Variants in RAD51C observed in about 807,000 individuals in gnomAD.
RAD51C encodes RAD51 paralog C, also known as DNA repair protein RAD51 homolog 3.
In RAD51C, 42 loss-of-function variants were observed where a neutral mutation model predicts 45.0. That is an observed-to-expected ratio of 0.93 (90% CI 0.73 to 1.21). The LOEUF is 1.21. RAD51C is among the 50% of genes most tolerant of loss of function. RAD51C has a pLI of 0.00. For missense variants in RAD51C, 474 were observed against 452.2 expected (o/e 1.05, Z -0.44); for synonymous variants, 172 against 159.8 (o/e 1.08, Z -0.58).
rs777210433 is a variant in RAD51C at position 58,692,822 on chromosome 17, G to A, written c.145+34G>A. On this transcript the variant is annotated intron_variant, in intron 1 of 8. Transcript: ENST00000337432. ...TCCTGATGGCAAGCTGAGGCACACC[G>A]GCCGCCGTCAGCGCCGCCTCAGTCT... 22 of 1,613,748 alleles carry A rather than the reference G, an allele frequency of 1.4e-5. No individual in the cohort carries two copies. In the East Asian group the frequency reaches 4.9e-4, roughly 36 times the overall value.
chr17:58,721,474 T>C (rs576447311), intron 6 of RAD51C, among the ~76,000 whole-genome samples: 11 of 152,126 alleles, frequency 7.2e-5, no homozygotes, highest in African/African-American at 2.6e-4. Flanking sequence ...TCTACCAGAG[T>C]CTTGGCCAGG....
intron 3 of RAD51C, among the ~76,000 whole-genome samples, chr17:58,702,327 C>T (rs2048237821): frequency 6.6e-6 from 1 of 152,080 alleles, no homozygotes. Flanking sequence ...CATTAAAACA[C>T]TAGTTGTATA....
At chr17:58,726,542 A>ATAAG (rs947311505) in intron 7 of RAD51C, among the ~76,000 whole-genome samples, 1 of 117,260 alleles carries the variant, frequency 8.5e-6, no homozygotes, top group Non-Finnish European at 2.1e-5. Flanking sequence ...ATATATGTGT[A>ATAAG]TAAGTATAGA....
chr17:58,711,621 C>T (rs903022626), intron 5 of RAD51C, among the ~76,000 whole-genome samples: 6 of 151,350 alleles, frequency 4.0e-5, no homozygotes, highest in South Asian at 2.1e-4. Flanking sequence ...CCACCATGCC[C>T]GGCTAATTTT....
In RAD51C at chr17:58,692,647, C is replaced by T. The variant is rs758029117; in HGVS notation, c.4C>T (p.Arg2Cys). Residue 2 changes from arginine (R) to cysteine (C), a missense_variant, in exon 1 of 9, where the codon CGC (arginine) becomes TGC (cysteine). Arg to Cys is a radical substitution (Grantham distance 180). Coordinates refer to ENST00000337432, the MANE Select transcript of RAD51C (RefSeq NM_058216.3). ...GGGGTTAGCAGGTGAGCCTGCGATG[C>T]GCGGGAAGACGTTCCGCTTTGAAAT... M[R>C]GKTFRFEMQR... is the part of the protein sequence containing the mutation. 6.2e-7 allele frequency: 1 copy of T among 1,614,116 alleles called. No homozygotes were observed. The highest frequency in any genetic ancestry group is 8.5e-7 in the Non-Finnish European group (1 of 1,180,020).
intron 7 of RAD51C, 27 bp downstream of exon 7, chr17:58,724,127 C>A (rs1397645870): frequency 1.3e-6 from 2 of 1,579,252 alleles, no homozygotes; most frequent in Non-Finnish European, 1.7e-6. Flanking sequence ...GTTAATAACT[C>A]CGAATATTGG....
At chr17:58,696,998 C>T in intron 3 of RAD51C, 139 bp downstream of exon 3, 3 of 1,049,998 alleles carry the variant, frequency 2.9e-6, no homozygotes, top group Non-Finnish European at 4.2e-6. Context: ...AACTCTTTTA[C>T]TACTGTTACA....
In RAD51C at chr17:58,726,871, A is replaced by G. The variant is rs570205939; in HGVS notation, c.965+2771A>G. ...AGTCTCGCTCTGTCGCCCAGGCTGG[A>G]GTGCAGTGGCGCGATCTCGGCTCAC... On this transcript the variant is annotated intron_variant, in intron 7 of 8. Transcript: ENST00000337432. Among the ~76,000 whole-genome samples, 42 of 151,810 alleles carry G rather than the reference A, an allele frequency of 2.8e-4. 1 individual carries two copies. In the East Asian group the frequency reaches 8.2e-3, roughly 30 times the overall value.
At chr17:58,699,208 A>G (rs1045491467) in intron 3 of RAD51C, among the ~76,000 whole-genome samples, 8 of 151,878 alleles carry the variant, frequency 5.3e-5, no homozygotes, top group African/African-American at 1.9e-4. Context: ...GAGTTTCACC[A>G]TGCTGGCCAG....
chr17:58,712,240 G>A (rs986230825), intron 5 of RAD51C, among the ~76,000 whole-genome samples: 60 of 150,728 alleles, frequency 4.0e-4, no homozygotes, highest in African/African-American at 1.3e-3. Context: ...AGCTACTCAG[G>A]AGGCTGAGGC....
chr17:58,733,419 G>A (rs1366068829), intron 8 of RAD51C, among the ~76,000 whole-genome samples: 4 of 151,122 alleles, frequency 2.6e-5, no homozygotes, highest in Non-Finnish European at 4.4e-5. Flanking sequence ...TCCTAGTTGG[G>A]GAAAAAAAAG....
At chr17:58,731,621 A>T (rs550105894) in intron 7 of RAD51C, among the ~76,000 whole-genome samples, 1 of 152,336 alleles carries the variant, frequency 6.6e-6, no homozygotes, top group African/African-American at 2.4e-5. Context: ...AATATAGTTA[A>T]TAAGAGCTTA....
At chr17:58,707,890 A>G (rs566845146) in intron 4 of RAD51C, among the ~76,000 whole-genome samples, 3 of 152,218 alleles carry the variant, frequency 2.0e-5, no homozygotes, top group Admixed American at 2.0e-4. Context: ...CTGTGTCCTC[A>G]TGGGGAGGAA....
At chr17:58,700,728 C>T (rs1282599394) in intron 3 of RAD51C, among the ~76,000 whole-genome samples, 1 of 152,104 alleles carries the variant, frequency 6.6e-6, no homozygotes, top group African/African-American at 2.4e-5. Context: ...GCGTGAGCCA[C>T]CACACCTGGC....
At chr17:58,702,691 T>TAAA (rs528849500) in intron 3 of RAD51C, among the ~76,000 whole-genome samples, 1 of 125,278 alleles carries the variant, frequency 8.0e-6, no homozygotes, top group Non-Finnish European at 1.7e-5. Context: ...AGACTTTATC[T>TAAA]AAAAAAAAAA....
chr17:58,699,236 G>A (rs745814623), intron 3 of RAD51C, among the ~76,000 whole-genome samples: 1 of 151,994 alleles, frequency 6.6e-6, no homozygotes, highest in Non-Finnish European at 1.5e-5. Context: ...TCGAACTCCT[G>A]ACCTTGTGAT....
chr17:58,729,622 AGTG>A (rs1247420807), intron 7 of RAD51C, among the ~76,000 whole-genome samples: 2 of 151,844 alleles, frequency 1.3e-5, no homozygotes, highest in African/African-American at 4.8e-5. Flanking sequence ...CCCAGGCTGG[AGTG>A]CAGTGGCGCC....
At chr17:58,723,459 TC>T (rs754922355) in intron 6 of RAD51C, among the ~76,000 whole-genome samples, 1 of 151,988 alleles carries the variant, frequency 6.6e-6, no homozygotes, top group South Asian at 2.1e-4. Flanking sequence ...TCGTATGCTC[TC>T]CCCCCAAGAG....
chr17:58,714,376 T>C (rs2048659451), intron 5 of RAD51C, among the ~76,000 whole-genome samples: 1 of 152,210 alleles, frequency 6.6e-6, no homozygotes, highest in Admixed American at 6.5e-5. Context: ...TCAGAAACTA[T>C]GCTCCAAAGT....
Sources: gnomAD v4.1 joint callset for allele counts (sites outside exome capture counted in the v4.1 genomes callset) on GRCh38, gnomAD v4.1.1 for gene constraint, MANE v1.5 for transcripts, NCBI Gene and HGNC (gene_info 2026-07-23, HGNC 2026-07-21) for gene names.